ERBB4: variants seen among roughly 807,000 people sequenced by gnomAD.
ERBB4 encodes erb-b2 receptor tyrosine kinase 4.
A neutral mutation model predicts 158.0 loss-of-function variants in ERBB4; 42 were observed. That is an observed-to-expected ratio of 0.27 (90% CI 0.21 to 0.34). The LOEUF is 0.34. Among genes scored for constraint, ERBB4 ranks in the 10% least tolerant of loss-of-function variants. The pLI, the probability that ERBB4 is intolerant of heterozygous loss-of-function variation, is 1.00. For synonymous variants in ERBB4, 583 were observed against 558.7 expected, an observed-to-expected ratio of 1.04 and a Z score of -0.61; for missense variants, 1,333 against 1,624.1, an observed-to-expected ratio of 0.82 and a Z score of 3.08.
At chr2:211,788,720 C>G (rs570008683) in intron 3 of ERBB4, among the ~76,000 whole-genome samples, 52 of 152,082 alleles carry the variant, frequency 3.4e-4, no homozygotes, top group Non-Finnish European at 6.9e-4. Flanking sequence ...TATCAATTGT[C>G]ATATTATCCT....
chr2:212,497,234 CAA>C (rs1690634481), intron 1 of ERBB4, among the ~76,000 whole-genome samples: 1 of 144,190 alleles, frequency 6.9e-6, no homozygotes, highest in African/African-American at 2.5e-5. Flanking sequence ...TTTAAAAAAA[CAA>C]TATTTATAGT....
rs575356841 is a variant in ERBB4, at chr2:211,516,482, C to T, written c.2487+45421G>A. ...CAGAGTAGCTTGGATTATAGGCGTG[C>T]GCCACCATGACTGTCTAATTTTTAT... On this transcript the variant is annotated intron_variant, in intron 20 of 27. Coordinates refer to ENST00000342788, the MANE Select transcript of ERBB4 (RefSeq NM_005235.3). Among the ~76,000 whole-genome samples, 41 of 151,784 alleles carry T rather than the reference C, an allele frequency of 2.7e-4. 1 individual carries two copies. The South Asian group carries it at 7.5e-3, about 28-fold the overall frequency.
At chr2:212,116,427 G>A (rs1443025311) in intron 2 of ERBB4, among the ~76,000 whole-genome samples, 1 of 152,076 alleles carries the variant, frequency 6.6e-6, no homozygotes, top group Non-Finnish European at 1.5e-5. Context: ...ACTCATAGAT[G>A]TACATATTTT....
chr2:211,595,864 T>A (rs10204337), intron 19 of ERBB4, among the ~76,000 whole-genome samples: 140,015 of 151,968 alleles, frequency 0.92, 64,565 homozygotes, highest in African/African-American at 0.96. Context: ...AGTATGCGTG[T>A]ATTTTGGTAT....
chr2:211,920,805 T>G (rs1183886496), intron 3 of ERBB4, among the ~76,000 whole-genome samples: 1 of 151,846 alleles, frequency 6.6e-6, no homozygotes. Flanking sequence ...TTTTCTTTTC[T>G]ATTTGCCAGG....
intron 5 of ERBB4, among the ~76,000 whole-genome samples, chr2:211,731,730 G>C (rs2074432122): frequency 6.6e-6 from 1 of 152,034 alleles, no homozygotes. Context: ...TTTTAAGAAA[G>C]CTATCATCAA....
At chr2:211,955,319 G>A (rs1260304006) in intron 2 of ERBB4, among the ~76,000 whole-genome samples, 1 of 151,974 alleles carries the variant, frequency 6.6e-6, no homozygotes, top group Non-Finnish European at 1.5e-5. Flanking sequence ...AACACCTTTA[G>A]TTCCATTGAG....
At chr2:212,045,003 T>C (rs1559377711) in intron 2 of ERBB4, among the ~76,000 whole-genome samples, 1 of 152,172 alleles carries the variant, frequency 6.6e-6, no homozygotes, top group Non-Finnish European at 1.5e-5. Context: ...ACAGTTAACA[T>C]AATAGCCATC....
chr2:212,126,791 ATGT>A (rs1559548396), intron 1 of ERBB4, among the ~76,000 whole-genome samples: 1 of 152,184 alleles, frequency 6.6e-6, no homozygotes, highest in East Asian at 1.9e-4. Context: ...ATGATGCCTG[ATGT>A]TGTTTTCAAA....
rs191168405 is a variant in ERBB4, at chr2:212,037,819, T to C, written c.234+86933A>G. ...GACATTAAATAACTGCTTGAAATTC[T>C]AATCAGATAAAAACATCTAGACCAA... On this transcript the variant is annotated intron_variant, in intron 2 of 27. Coordinates refer to ENST00000342788, the MANE Select transcript of ERBB4 (RefSeq NM_005235.3). Among the ~76,000 whole-genome samples, 5 of 152,344 alleles carry C rather than the reference T, an allele frequency of 3.3e-5. No homozygotes were observed. In the East Asian group the frequency reaches 9.6e-4, roughly 29 times the overall value.
intron 1 of ERBB4, among the ~76,000 whole-genome samples, chr2:212,527,938 G>A (rs528245612): frequency 4.9e-5 from 7 of 142,676 alleles, no homozygotes; most frequent in Admixed American, 7.7e-5. Flanking sequence ...CCATCTATGA[G>A]TGAGAACATG....
At chr2:212,534,846 A>G (rs904408809) in intron 1 of ERBB4, among the ~76,000 whole-genome samples, 1 of 152,190 alleles carries the variant, frequency 6.6e-6, no homozygotes, top group African/African-American at 2.4e-5. Context: ...TCCATCAAAT[A>G]AATGCAAACT....
At position 211,420,479 on chromosome 2, in the gene ERBB4, G is replaced by A. The variant is rs867780056; in HGVS notation, c.3097C>T (p.Pro1033Ser). The change falls in exon 25 of 28, where the codon CCC becomes TCC. Residue 1033 changes from proline to serine, a missense_variant. Physicochemically the swap from Pro to Ser is moderately conservative, Grantham distance 74. This residue lies in a region of ERBB4 where 252 missense variants were observed against 241.3 expected (regional missense o/e 1.04). Coordinates refer to ENST00000342788, the MANE Select transcript of ERBB4 (RefSeq NM_005235.3). ...ATTCTTGCTCTGGAAGTATAGATGG[G>A]AGGTGGGATGTTGAAAGCCTGAGGG... ...LVPQAFNIPP[P>S]IYTSRARIDS... 6.2e-7 allele frequency: 1 copy of A among 1,612,412 alleles called. No homozygotes were observed. Among genetic ancestry groups the A allele is most frequent in the South Asian group, 1.1e-5 (1 of 91,038 alleles).
intron 2 of ERBB4, among the ~76,000 whole-genome samples, chr2:212,003,205 G>GAAAGAAAGAAAGAA (rs1309174755): frequency 2.2e-5 from 1 of 44,804 alleles, no homozygotes; most frequent in African/African-American, 5.4e-5. Flanking sequence ...AAGAAAGAAA[G>GAAAGAAAGAAAGAA]ACAGAAAGAA....
Position 211,580,690 on chromosome 2 carries a change from AC to A in ERBB4, c.2302-18603del, listed in dbSNP as rs199923614. Among the ~76,000 whole-genome samples the A allele has an allele frequency of 8.9e-3, 1,326 of 149,490 alleles. 21 individuals are homozygous for A. The highest frequency in any genetic ancestry group is 0.031 in the African/African-American group (1,256 of 40,810). On this transcript the variant is annotated intron_variant, in intron 19 of 27. Coordinates refer to ENST00000342788, the MANE Select transcript of ERBB4 (RefSeq NM_005235.3). ...AAAGAGGTCATTATATGAAAAAGAT[AC>A]CTGCACATGCATGTTTATAGCAGCA...
chr2:212,238,451 T>A (rs575903856), intron 1 of ERBB4, among the ~76,000 whole-genome samples: 1 of 152,100 alleles, frequency 6.6e-6, no homozygotes, highest in Non-Finnish European at 1.5e-5. Context: ...GTACCTCAGT[T>A]GGAAATGCAG....
At chr2:211,850,223 G>T (rs548407735) in intron 3 of ERBB4, among the ~76,000 whole-genome samples, 6 of 151,832 alleles carry the variant, frequency 4.0e-5, no homozygotes, top group Admixed American at 3.9e-4. Flanking sequence ...GCAATGCTTT[G>T]TCTGGGTTGG....
intron 1 of ERBB4, among the ~76,000 whole-genome samples, chr2:212,209,227 C>G (rs1343674227): frequency 1.3e-5 from 2 of 152,170 alleles, no homozygotes; most frequent in Non-Finnish European, 2.9e-5. Context: ...ATGAAACATT[C>G]TCCTTACTTA....
intron 20 of ERBB4, among the ~76,000 whole-genome samples, chr2:211,461,853 T>C (rs1164323788): frequency 6.6e-6 from 1 of 151,918 alleles, no homozygotes; most frequent in East Asian, 1.9e-4. Context: ...GGGCCAACCA[T>C]TTTAACAGTG....
Sources: gnomAD v4.1 joint callset for allele counts (sites outside exome capture counted in the v4.1 genomes callset) on GRCh38, gnomAD v4.1.1 for gene constraint, gnomAD v4.1.1 regional missense constraint, MANE v1.5 for transcripts, NCBI Gene and HGNC (gene_info 2026-07-23, HGNC 2026-07-21) for gene names.